The following NEGR1 variants were observed in gnomAD, a reference collection of about 807,000 sequenced individuals.
NEGR1 encodes the protein IgLON family member 4.
NEGR1 carries 10 observed loss-of-function variants against 40.9 expected under a neutral mutation model. That is an observed-to-expected ratio of 0.24 (90% CI 0.15 to 0.42). NEGR1 has a LOEUF of 0.42. Ranked by LOEUF, NEGR1 falls within the 10% of genes least tolerant of loss-of-function variation. NEGR1 has a pLI of 1.00. For missense variants in NEGR1, 352 were observed against 438.9 expected, an observed-to-expected ratio of 0.80 and a Z score of 1.77; for synonymous variants, 185 against 166.8, an observed-to-expected ratio of 1.11 and a Z score of -0.84.
chr1:71,485,309 AC>A (rs1646880905), intron 6 of NEGR1, among the ~76,000 whole-genome samples: 1 of 151,536 alleles, frequency 6.6e-6, no homozygotes, highest in African/African-American at 2.4e-5. Flanking sequence ...TAGATTTGCA[AC>A]AAAAATTGAA....
chr1:71,431,071 CT>C lies in NEGR1; in HGVS notation c.941-23502del, dbSNP rs1299705775. On this transcript the variant is annotated intron_variant, in intron 6 of 6. Transcript: ENST00000357731. Reference sequence around the variant, plus strand: ...CAAAAAAGACTTTTTTTTTTATGATCTTTTTTTTATGACCTTTTTTTTATGA... The same window carrying C: ...CAAAAAAGACTTTTTTTTTTATGATCTTTTTTTATGACCTTTTTTTTATGA... Among the ~76,000 whole-genome samples, 5 of 121,060 alleles carry C rather than the reference CT, an allele frequency of 4.1e-5. No homozygotes were observed. The East Asian group carries it at 6.4e-4, about 16-fold the overall frequency. 79.4% of individuals were successfully genotyped at this position (121,060 alleles called of 152,430 possible).
At chr1:72,040,895 TC>T (rs1646947814) in intron 1 of NEGR1, among the ~76,000 whole-genome samples, 1 of 151,956 alleles carries the variant, frequency 6.6e-6, no homozygotes. Flanking sequence ...CATTCCTCTG[TC>T]CACCAAAAAC....
At chr1:71,819,271 G>A (rs1484824620) in intron 2 of NEGR1, among the ~76,000 whole-genome samples, 1 of 151,958 alleles carries the variant, frequency 6.6e-6, no homozygotes, top group East Asian at 1.9e-4. Context: ...GAAAAGAGAT[G>A]TCCGACAACA....
intron 4 of NEGR1, among the ~76,000 whole-genome samples, chr1:71,692,261 T>C (rs956155672): frequency 6.6e-6 from 1 of 151,672 alleles, no homozygotes; most frequent in African/African-American, 2.4e-5. Context: ...TTTTCTCCCC[T>C]GAGTTGTTCC....
intron 4 of NEGR1, among the ~76,000 whole-genome samples, chr1:71,626,830 G>T (rs886923087): frequency 2.6e-5 from 4 of 151,996 alleles, no homozygotes; most frequent in African/African-American, 9.7e-5. Context: ...TCAAAAAGTG[G>T]GTGAAGGATA....
intron 1 of NEGR1, among the ~76,000 whole-genome samples, chr1:72,024,509 C>T (rs1646789763): frequency 6.6e-6 from 1 of 152,008 alleles, no homozygotes; most frequent in South Asian, 2.1e-4. Context: ...AGCACCACAA[C>T]CTTTTAGACC....
At chr1:71,693,163 A>C (rs1653351597) in intron 4 of NEGR1, among the ~76,000 whole-genome samples, 1 of 151,750 alleles carries the variant, frequency 6.6e-6, no homozygotes. Context: ...CTTCTCTCTG[A>C]GTAAAAACAG....
At chr1:72,130,771 T>G (rs1650217686) in intron 1 of NEGR1, among the ~76,000 whole-genome samples, 1 of 152,202 alleles carries the variant, frequency 6.6e-6, no homozygotes, top group South Asian at 2.1e-4. Context: ...TCATGCCTCA[T>G]ATCCGCAATA....
chr1:72,129,574 T>C, intron 1 of NEGR1, among the ~76,000 whole-genome samples: 1 of 152,156 alleles, frequency 6.6e-6, no homozygotes, highest in East Asian at 1.9e-4. Context: ...TATTGAAGTT[T>C]AGGGAGAAAA....
chr1:71,804,293 T>C (rs896332381), intron 2 of NEGR1, among the ~76,000 whole-genome samples: 1 of 152,186 alleles, frequency 6.6e-6, no homozygotes, highest in Admixed American at 6.5e-5. Flanking sequence ...CTAATGTGAA[T>C]GTTGCAAGGT....
intron 2 of NEGR1, among the ~76,000 whole-genome samples, chr1:71,803,422 C>T (rs1455278487): frequency 1.1e-4 from 17 of 151,996 alleles, no homozygotes; most frequent in Admixed American, 6.6e-4. Context: ...AATAATATAC[C>T]ATCACACTCA....
chr1:72,224,255 A>G (rs1654103972), intron 1 of NEGR1, among the ~76,000 whole-genome samples: 1 of 151,922 alleles, frequency 6.6e-6, no homozygotes, highest in Middle Eastern at 3.2e-3. Flanking sequence ...CTTGAGAACT[A>G]TGTCAGTAAG....
chr1:71,948,811 T>C (rs1646044007), intron 1 of NEGR1, among the ~76,000 whole-genome samples: 1 of 152,034 alleles, frequency 6.6e-6, no homozygotes, highest in Non-Finnish European at 1.5e-5. Context: ...CACTGCGATT[T>C]AGGAAAACCG....
chr1:71,461,195 G>A (rs1646712428), intron 6 of NEGR1, among the ~76,000 whole-genome samples: 1 of 152,026 alleles, frequency 6.6e-6, no homozygotes, highest in African/African-American at 2.4e-5. Flanking sequence ...CTCAATAAAG[G>A]GAAGCTGTTC....
chr1:72,156,331 A>C (rs879297994), intron 1 of NEGR1, among the ~76,000 whole-genome samples: 2 of 152,146 alleles, frequency 1.3e-5, no homozygotes, highest in Non-Finnish European at 2.9e-5. Context: ...TTGGGAGTCA[A>C]CAAGGCTACC....
At chr1:71,793,852 A>G (rs1638654620) in intron 2 of NEGR1, among the ~76,000 whole-genome samples, 1 of 152,162 alleles carries the variant, frequency 6.6e-6, no homozygotes, top group Non-Finnish European at 1.5e-5. Context: ...TAAAAATACT[A>G]TAATTTATAA....
chr1:71,507,171 G>A (rs528602639), intron 6 of NEGR1, among the ~76,000 whole-genome samples: 1 of 152,308 alleles, frequency 6.6e-6, no homozygotes, highest in East Asian at 1.9e-4. Context: ...AAAAGCTGTA[G>A]GAAAGAAGCT....
intron 6 of NEGR1, among the ~76,000 whole-genome samples, chr1:71,579,532 A>T (rs931349562): frequency 1.3e-5 from 2 of 152,138 alleles, no homozygotes; most frequent in Non-Finnish European, 2.9e-5. Context: ...AATTAAGAAG[A>T]ATTGGAAAAC....
At chr1:72,113,370 A>G (rs1395146136) in intron 1 of NEGR1, among the ~76,000 whole-genome samples, 4 of 151,766 alleles carry the variant, frequency 2.6e-5, no homozygotes, top group Non-Finnish European at 4.4e-5. Flanking sequence ...TTTATTGCAC[A>G]CCTGAGATTG....
Sources: allele counts gnomAD v4.1 joint callset (sites outside exome capture counted in the v4.1 genomes callset), GRCh38; gene constraint gnomAD v4.1.1; transcripts MANE v1.5; gene names NCBI Gene and HGNC (gene_info 2026-07-23, HGNC 2026-07-21).